ST6GALNAC3: variants seen among roughly 807,000 people sequenced by gnomAD.
ST6GALNAC3 encodes the protein ST6 N-acetylgalactosaminide alpha-2,6-sialyltransferase 3.
Under a neutral mutation model 32.7 loss-of-function variants are expected in ST6GALNAC3, and 25 were observed. That is an observed-to-expected ratio of 0.76 (90% CI 0.56 to 1.07). The LOEUF is 1.07. Among genes scored for constraint, ST6GALNAC3 ranks in the 50% least tolerant of loss-of-function variants. The pLI is 0.00. For missense variants in ST6GALNAC3, 355 were observed against 382.4 expected, an observed-to-expected ratio of 0.93 and a Z score of 0.60; for synonymous variants, 129 against 133.1, an observed-to-expected ratio of 0.97 and a Z score of 0.21.
In ST6GALNAC3 at chr1:76,134,407, G is replaced by C. The variant is rs115765158; in HGVS notation, c.18+59523G>C. On this transcript the variant is annotated intron_variant, in intron 1 of 4. Coordinates refer to ENST00000328299, the MANE Select transcript of ST6GALNAC3 (RefSeq NM_152996.4). ...ACCTTTTCCAGGCCTGAAGCTCCTA[G>C]TCTATGAGATGAGGGCACTGGACAG... 7.8e-3 allele frequency among the ~76,000 whole-genome samples: 1,194 copies of C among 152,308 alleles called. 14 individuals carry two copies. The highest frequency in any genetic ancestry group is 0.028 in the African/African-American group (1,152 of 41,560).
chr1:76,536,568 G>A (rs1557543136), intron 3 of ST6GALNAC3, among the ~76,000 whole-genome samples: 2 of 148,344 alleles, frequency 1.3e-5, no homozygotes, highest in Admixed American at 1.4e-4. Context: ...CCCCCAACAT[G>A]TGGTGACCAC....
intron 3 of ST6GALNAC3, among the ~76,000 whole-genome samples, chr1:76,554,631 A>T (rs1330668124): frequency 2.0e-5 from 3 of 152,134 alleles, no homozygotes; most frequent in East Asian, 3.9e-4. Context: ...ATTTTTGAAC[A>T]TTTGTTATAT....
intron 1 of ST6GALNAC3, among the ~76,000 whole-genome samples, chr1:76,179,733 C>T (rs1318126122): frequency 3.3e-5 from 5 of 152,296 alleles, no homozygotes; most frequent in Middle Eastern, 3.4e-3. Flanking sequence ...CACCTCATCT[C>T]CAACTTATTT....
chr1:76,145,333 G>A (rs1200986525), intron 1 of ST6GALNAC3, among the ~76,000 whole-genome samples: 4 of 152,052 alleles, frequency 2.6e-5, no homozygotes, highest in Non-Finnish European at 5.9e-5. Context: ...ATCCAACCCC[G>A]CTGCCCCTCC....
At chr1:76,351,870 C>A (rs1411818577) in intron 2 of ST6GALNAC3, among the ~76,000 whole-genome samples, 1 of 152,054 alleles carries the variant, frequency 6.6e-6, no homozygotes, top group Non-Finnish European at 1.5e-5. Flanking sequence ...AATTACAATG[C>A]ATAATTATAA....
At chr1:76,232,867 C>T (rs531659824) in intron 1 of ST6GALNAC3, among the ~76,000 whole-genome samples, 1 of 152,340 alleles carries the variant, frequency 6.6e-6, no homozygotes, top group South Asian at 2.1e-4. Flanking sequence ...CCACTGTCAG[C>T]TGAGTGTGTA....
chr1:76,345,954 T>C (rs1449592911), intron 2 of ST6GALNAC3, among the ~76,000 whole-genome samples: 1 of 152,142 alleles, frequency 6.6e-6, no homozygotes, highest in East Asian at 1.9e-4. Flanking sequence ...TTACATCCTG[T>C]GGGGGACTTC....
intron 3 of ST6GALNAC3, among the ~76,000 whole-genome samples, chr1:76,584,601 A>G (rs1016747445): frequency 7.2e-5 from 11 of 152,220 alleles, no homozygotes; most frequent in Admixed American, 4.6e-4. Flanking sequence ...CTTAAATGCT[A>G]GCAGCAGCTT....
intron 1 of ST6GALNAC3, among the ~76,000 whole-genome samples, chr1:76,183,542 A>G (rs1319177361): frequency 1.3e-5 from 2 of 152,080 alleles, no homozygotes; most frequent in African/African-American, 2.4e-5. Context: ...TAACAGGGAT[A>G]CATTCTGAAA....
intron 2 of ST6GALNAC3, among the ~76,000 whole-genome samples, chr1:76,402,685 A>G (rs1202412503): frequency 1.3e-5 from 2 of 152,112 alleles, no homozygotes; most frequent in African/African-American, 2.4e-5. Flanking sequence ...TCAAAAGTTC[A>G]TCCTATTTTA....
chr1:76,329,824 T>A (rs112294963), intron 2 of ST6GALNAC3, among the ~76,000 whole-genome samples: 3 of 124,190 alleles, frequency 2.4e-5, no homozygotes, highest in Non-Finnish European at 3.5e-5. Context: ...TTATTTATTT[T>A]TTGAGATGGA....
intron 1 of ST6GALNAC3, among the ~76,000 whole-genome samples, chr1:76,208,879 G>T (rs1001906638): frequency 1.3e-5 from 2 of 152,120 alleles, no homozygotes; most frequent in Non-Finnish European, 2.9e-5. Flanking sequence ...AAGTAGTGCT[G>T]ATAAAGATTT....
chr1:76,405,926 A>C (rs983507388), intron 2 of ST6GALNAC3, among the ~76,000 whole-genome samples: 2 of 152,016 alleles, frequency 1.3e-5, no homozygotes, highest in African/African-American at 4.8e-5. Flanking sequence ...ACTTTTAGAA[A>C]GAGTTAAGAA....
rs183294081 is a variant in ST6GALNAC3, at chr1:76,508,784, G to A, written c.623+96367G>A. ...TATTCTCTACAGTTTTACAGCTACC[G>A]GAACACACTGTCACTTTTACATTAT... On this transcript the variant is annotated intron_variant, in intron 3 of 4. Coordinates refer to ENST00000328299, the MANE Select transcript of ST6GALNAC3 (RefSeq NM_152996.4). Among the ~76,000 whole-genome samples, 337 of 142,864 alleles carry A rather than the reference G, an allele frequency of 2.4e-3. 1 individual carries two copies. Among genetic ancestry groups the A allele is most frequent in the African/African-American group, 8.6e-3 (283 of 32,834 alleles). 93.7% of individuals were successfully genotyped at this position (142,864 alleles called of 152,430 possible).
intron 3 of ST6GALNAC3, among the ~76,000 whole-genome samples, chr1:76,508,651 T>C (rs911917898): frequency 6.6e-6 from 1 of 152,012 alleles, no homozygotes; most frequent in African/African-American, 2.4e-5. Flanking sequence ...AGTCAGAGAA[T>C]GCAGAGAGCT....
intron 3 of ST6GALNAC3, among the ~76,000 whole-genome samples, chr1:76,504,472 C>T (rs1226019713): frequency 1.3e-5 from 2 of 152,002 alleles, no homozygotes; most frequent in Admixed American, 6.6e-5. Flanking sequence ...CAACCTGATA[C>T]AATATTGAAT....
intron 1 of ST6GALNAC3, among the ~76,000 whole-genome samples, chr1:76,082,094 C>T (rs1054109248): frequency 3.9e-5 from 6 of 152,206 alleles, no homozygotes; most frequent in African/African-American, 7.2e-5. Context: ...TTCTAGTAAA[C>T]GACTGAGCGA....
chr1:76,419,050 C>G (rs1184575818), intron 3 of ST6GALNAC3, among the ~76,000 whole-genome samples: 1 of 151,248 alleles, frequency 6.6e-6, no homozygotes, highest in East Asian at 1.9e-4. Context: ...CATGTGCACA[C>G]ACACACACAC....
chr1:76,451,737 G>A (rs1257268026), intron 3 of ST6GALNAC3, among the ~76,000 whole-genome samples: 1 of 152,154 alleles, frequency 6.6e-6, no homozygotes, highest in African/African-American at 2.4e-5. Flanking sequence ...TTTGTGTATA[G>A]CAGACCTACT....
Sources: gnomAD v4.1 joint callset for allele counts (sites outside exome capture counted in the v4.1 genomes callset) on GRCh38, gnomAD v4.1.1 for gene constraint, MANE v1.5 for transcripts, NCBI Gene and HGNC (gene_info 2026-07-23, HGNC 2026-07-21) for gene names.